Variants in GLT6D1 observed in about 807,000 individuals in gnomAD.
The protein encoded by GLT6D1 is glycosyltransferase 6 domain containing 1.
GLT6D1 carries 9 observed loss-of-function variants against 12.3 expected under a neutral mutation model. The ratio of observed to expected loss-of-function variants is 0.73; its 90% CI spans 0.44 to 1.27. The LOEUF (loss-of-function observed/expected upper bound fraction) is 1.27, where lower values mean the gene tolerates loss of function less well. GLT6D1 is among the 50% of genes most tolerant of loss of function. The pLI, the probability that GLT6D1 is intolerant of heterozygous loss-of-function variation, is 0.00. For synonymous variants in GLT6D1, 128 were observed against 132.3 expected, an observed-to-expected ratio of 0.97 and a Z score of 0.23; for missense variants, 335 against 346.2, an observed-to-expected ratio of 0.97 and a Z score of 0.26.
chr9:135,624,783 G>T (rs775580075), intron 4 of GLT6D1, 113 bp from the exon 5 acceptor site: 1 of 656,428 alleles, frequency 1.5e-6, no homozygotes, highest in Non-Finnish European at 2.3e-6. Flanking sequence ...AGGCTGGAGT[G>T]CAGTGGCGTG....
chr9:135,637,238 G>A (rs910366556), intron 2 of GLT6D1, among the ~76,000 whole-genome samples: 3 of 150,256 alleles, frequency 2.0e-5, no homozygotes, highest in African/African-American at 7.4e-5. Flanking sequence ...AAGTCGTCTT[G>A]TTCGTTTCTG....
intron 3 of GLT6D1, among the ~76,000 whole-genome samples, chr9:135,629,988 A>C (rs1300020710): frequency 6.6e-6 from 1 of 152,202 alleles, no homozygotes; most frequent in East Asian, 1.9e-4. Context: ...TTGAATCTAA[A>C]ATGTCTCTTG....
rs772084545 is a variant in GLT6D1, at chr9:135,624,474, T to G, written c.454A>C (p.Lys152Gln). The change falls in exon 5 of 5, where the codon AAG (lysine) becomes CAG (glutamine). Residue 152 changes from lysine (K) to glutamine (Q), a missense_variant. Coordinates refer to ENST00000371763, the MANE Select transcript of GLT6D1 (RefSeq NM_182974.3). ...CTGGCGATGTGTTCACCCAGGCTCT[T>G]CACATGCACCAGGGGGCCATCGAGC... is the stretch of plus-strand genomic sequence containing the variant. ...WWLDGPLVHV[K>Q]SLGEHIASHI... 1 of 1,613,608 alleles carries G rather than the reference T, an allele frequency of 6.2e-7. No homozygotes were observed. Among genetic ancestry groups the G allele is most frequent in the Admixed American group, 1.7e-5 (1 of 59,938 alleles).
chr9:135,640,248 C>T (rs540904924), upstream of GLT6D1, among the ~76,000 whole-genome samples: 4 of 152,150 alleles, frequency 2.6e-5, no homozygotes, highest in South Asian at 2.1e-4. Flanking sequence ...AAACACAGTG[C>T]GAAAGAAAAT....
intron 3 of GLT6D1, 134 bp downstream of exon 3, chr9:135,631,297 G>A (rs1833641018): frequency 1.4e-6 from 1 of 729,384 alleles, no homozygotes; most frequent in Non-Finnish European, 2.5e-6. Context: ...GTTTATAAGA[G>A]CCTCGAAAAT....
Position 135,624,160 on chromosome 9 carries a change from A to T in GLT6D1, c.768T>A (p.Asn256Lys). The T allele has an allele frequency of 6.2e-7, 1 of 1,613,734 alleles. No individual in the cohort carries two copies. Among genetic ancestry groups the T allele is most frequent in the Middle Eastern group, 1.6e-4 (1 of 6,062 alleles). Reference sequence around the variant, plus strand: ...GCTTTTCATAAGTGCTATTGAGTCCATTTTTGATGTCATGAATAACTCCGT... The same window carrying T: ...GCTTTTCATAAGTGCTATTGAGTCCTTTTTTGATGTCATGAATAACTCCGT... ...YLNGVIHDIK[N>K]GLNSTYEKHL... Residue 256 changes from asparagine to lysine, a missense_variant, in exon 5 of 5, where the codon AAT becomes AAA. Transcript: ENST00000371763.
At position 135,624,657 on chromosome 9, in the gene GLT6D1, A is replaced by C; in HGVS notation, c.271T>G (p.Tyr91Asp). The stretch of plus-strand genomic sequence containing the variant: ...GCGGAGTGTAGGAACGGCCTCAGGT[A>C]CTCCTCTGCAAACCTAGGAAACACA... ...VFATGRFAEE[Y>D]LRPFLHSANK... Residue 91 changes from tyrosine (Y) to aspartate (D), a missense_variant, in exon 5 of 5, where the codon TAC becomes GAC. By Grantham distance (160) the Tyr-to-Asp change is radical (BLOSUM62 -3). Transcript: ENST00000371763. 6.5e-7 allele frequency: 1 copy of C among 1,550,044 alleles called. No homozygotes were observed. The highest frequency in any genetic ancestry group is 8.7e-7 in the Non-Finnish European group (1 of 1,147,208).
intron 3 of GLT6D1, among the ~76,000 whole-genome samples, chr9:135,628,219 T>A (rs1833561113): frequency 6.6e-6 from 1 of 152,134 alleles, no homozygotes. Flanking sequence ...TTTATTGTTG[T>A]TGTACTTTTG....
chr9:135,624,173 T>C lies in GLT6D1; in HGVS notation c.755A>G (p.His252Arg). 6.2e-7 allele frequency: 1 copy of C among 1,613,410 alleles called. No homozygotes were observed. The highest frequency in any genetic ancestry group is 8.5e-7 in the Non-Finnish European group (1 of 1,179,794). Reference sequence around the variant, plus strand: ...GCTATTGAGTCCATTTTTGATGTCATGAATAACTCCGTTCAGATATTCTTT... The same window carrying C: ...GCTATTGAGTCCATTTTTGATGTCACGAATAACTCCGTTCAGATATTCTTT... ...FIKEYLNGVI[H>R]DIKNGLNSTY... is the part of the protein sequence containing the mutation. Residue 252 changes from histidine to arginine, a missense_variant, in exon 5 of 5, where the codon CAT becomes CGT. His to Arg is a conservative substitution (Grantham distance 29). Transcript: ENST00000371763.
At chr9:135,632,525 G>C (rs1462924585) in intron 2 of GLT6D1, among the ~76,000 whole-genome samples, 1 of 152,074 alleles carries the variant, frequency 6.6e-6, no homozygotes, top group African/African-American at 2.4e-5. Context: ...AACGAAAAGG[G>C]GGAACTTAAT....
chr9:135,635,194 T>C (rs1240248097), intron 2 of GLT6D1, among the ~76,000 whole-genome samples: 1 of 152,236 alleles, frequency 6.6e-6, no homozygotes, highest in Non-Finnish European at 1.5e-5. Context: ...TTTCATACTT[T>C]GGGTTATAAT....
rs534308727 is a variant in GLT6D1 at position 135,630,558 on chromosome 9, A to C, written c.119+873T>G. ...AACATGATGAAACCCTGTCTCTACT[A>C]AAAATACAAAAATTAGCCAGGTGTG... On this transcript the variant is annotated intron_variant, in intron 3 of 4. Transcript: ENST00000371763. Among the ~76,000 whole-genome samples the C allele has an allele frequency of 9.7e-4, 147 of 152,044 alleles. 1 individual carries two copies. Among genetic ancestry groups the C allele is most frequent in the Non-Finnish European group, 1.8e-3 (125 of 67,950 alleles).
At chr9:135,628,568 C>G (rs956694497) in intron 3 of GLT6D1, among the ~76,000 whole-genome samples, 24 of 151,934 alleles carry the variant, frequency 1.6e-4, no homozygotes, top group African/African-American at 5.6e-4. Context: ...ATACCTTTGT[C>G]TGGTTTTGAT....
intron 3 of GLT6D1, among the ~76,000 whole-genome samples, chr9:135,629,296 C>G (rs953829175): frequency 2.0e-5 from 3 of 152,036 alleles, no homozygotes; most frequent in Admixed American, 2.0e-4. Flanking sequence ...TGCTGCATCC[C>G]ATAAGTTTGG....
At chr9:135,628,971 C>T (rs538174054) in intron 3 of GLT6D1, among the ~76,000 whole-genome samples, 1 of 152,166 alleles carries the variant, frequency 6.6e-6, no homozygotes, top group Admixed American at 6.5e-5. Flanking sequence ...TCAAGTTACA[C>T]TTTTGGCAAA....
At chr9:135,629,897 T>C (rs572065211) in intron 3 of GLT6D1, among the ~76,000 whole-genome samples, 5 of 152,240 alleles carry the variant, frequency 3.3e-5, no homozygotes, top group Non-Finnish European at 5.9e-5. Context: ...GATATTTGTA[T>C]AGAGCCACTT....
intron 3 of GLT6D1, among the ~76,000 whole-genome samples, chr9:135,630,722 CAA>C (rs35598173): frequency 3.0e-4 from 31 of 105,070 alleles, no homozygotes; most frequent in South Asian, 3.0e-4. Flanking sequence ...TCTGTCTCTA[CAA>C]AAAAAAAAAA....
chr9:135,630,133 T>C (rs1200397004), intron 3 of GLT6D1, among the ~76,000 whole-genome samples: 1 of 152,130 alleles, frequency 6.6e-6, no homozygotes, highest in East Asian at 1.9e-4. Context: ...TGGCCAGGCG[T>C]GGTGGCTCAC....
chr9:135,631,504 A>T (rs897544950), intron 2 of GLT6D1, 26 bp from the exon 3 acceptor site: 2 of 1,558,928 alleles, frequency 1.3e-6, no homozygotes, highest in East Asian at 4.5e-5. Context: ...AAATCAAGTG[A>T]TTGCAAGGAG....
Sources: gnomAD v4.1 joint callset for allele counts (sites outside exome capture counted in the v4.1 genomes callset) on GRCh38, gnomAD v4.1.1 for gene constraint, MANE v1.5 for transcripts, NCBI Gene and HGNC (gene_info 2026-07-23, HGNC 2026-07-21) for gene names.